The following PCNX2 variants were observed in gnomAD, a reference collection of about 807,000 sequenced individuals.
PCNX2 encodes pecanex-like protein 2.
In PCNX2, 168 loss-of-function variants were observed where a neutral mutation model predicts 223.8. The observed-to-expected ratio is 0.75, with a 90% CI of 0.66 to 0.85. PCNX2 has a LOEUF of 0.85. PCNX2 is among the 40% of genes least tolerant of loss of function. The pLI is 0.00. For missense variants in PCNX2, 2,507 were observed against 2,675.5 expected (o/e 0.94, Z 1.39); for synonymous variants, 1,006 against 1,052.6 (o/e 0.96, Z 0.86).
At chr1:233,025,956 A>C (rs1671066049) in intron 25 of PCNX2, among the ~76,000 whole-genome samples, 1 of 152,248 alleles carries the variant, frequency 6.6e-6, no homozygotes, top group Admixed American at 6.5e-5. Flanking sequence ...ATAAATAAAC[A>C]AACTGATGAG....
At chr1:233,266,995 A>G (rs1660369607) in intron 1 of PCNX2, among the ~76,000 whole-genome samples, 1 of 144,442 alleles carries the variant, frequency 6.9e-6, no homozygotes, top group Admixed American at 6.9e-5. Flanking sequence ...CCTCACAGTC[A>G]CTACTCTGTT....
intron 15 of PCNX2, among the ~76,000 whole-genome samples, chr1:233,195,481 C>G (rs1023938883): frequency 2.0e-5 from 3 of 152,098 alleles, no homozygotes; most frequent in African/African-American, 7.2e-5. Flanking sequence ...AAAAAGAAAT[C>G]AAAGGCATAC....
chr1:233,012,128 T>C (rs1670489621), intron 28 of PCNX2, among the ~76,000 whole-genome samples: 1 of 152,210 alleles, frequency 6.6e-6, no homozygotes, highest in Non-Finnish European at 1.5e-5. Context: ...TTGATGACTG[T>C]TGTTTTTGTG....
intron 21 of PCNX2, among the ~76,000 whole-genome samples, chr1:233,123,308 G>A (rs112642274): frequency 0.037 from 5,594 of 152,128 alleles, 299 homozygotes; most frequent in African/African-American, 0.13. Context: ...CTGGCCGGGC[G>A]CGGTGGCTCA....
At chr1:233,193,753 A>G (rs1297505146) in intron 15 of PCNX2, among the ~76,000 whole-genome samples, 1 of 152,208 alleles carries the variant, frequency 6.6e-6, no homozygotes, top group Admixed American at 6.5e-5. Flanking sequence ...CTATCTACAG[A>G]CATCAAATAG....
At chr1:233,160,246 C>CCT in intron 19 of PCNX2, 37 bp downstream of exon 19, 2 of 1,444,952 alleles carry the variant, frequency 1.4e-6, no homozygotes, top group Non-Finnish European at 1.9e-6. Context: ...CCTACCCCTC[C>CCT]TTTTTTTTTT....
intron 21 of PCNX2, among the ~76,000 whole-genome samples, chr1:233,125,447 T>C (rs942015941): frequency 6.6e-6 from 1 of 152,198 alleles, no homozygotes; most frequent in Non-Finnish European, 1.5e-5. Context: ...TCTATGCTTC[T>C]AAAACACTCA....
At chr1:233,180,078 C>G (rs190408016) in intron 15 of PCNX2, among the ~76,000 whole-genome samples, 1 of 152,242 alleles carries the variant, frequency 6.6e-6, no homozygotes, top group East Asian at 1.9e-4. Context: ...GCATAGAGCA[C>G]CCTTTCTGCA....
chr1:233,261,430 G>C, intron 3 of PCNX2, 109 bp from the exon 4 acceptor site: 1 of 977,942 alleles, frequency 1.0e-6, no homozygotes, highest in Non-Finnish European at 1.6e-6. Flanking sequence ...TGGCATGTAG[G>C]GGAGAGACAA....
At chr1:233,172,231 T>A (rs530487464) in intron 17 of PCNX2, among the ~76,000 whole-genome samples, 43 of 152,306 alleles carry the variant, frequency 2.8e-4, no homozygotes, top group African/African-American at 9.1e-4. Flanking sequence ...TAGGTTAAAA[T>A]TTTTTTATAG....
chr1:233,269,739 C>T (rs193288479), intron 1 of PCNX2, among the ~76,000 whole-genome samples: 47 of 152,272 alleles, frequency 3.1e-4, no homozygotes, highest in Non-Finnish European at 5.7e-4. Context: ...ACATAACACT[C>T]ACACTCAAGT....
At chr1:233,127,284 T>C (rs1252781817) in intron 21 of PCNX2, among the ~76,000 whole-genome samples, 1 of 152,134 alleles carries the variant, frequency 6.6e-6, no homozygotes, top group Non-Finnish European at 1.5e-5. Flanking sequence ...TTCCCAACCA[T>C]CCACTCCCCT....
chr1:233,156,473 T>A (rs74868189), intron 19 of PCNX2, among the ~76,000 whole-genome samples: 1 of 152,106 alleles, frequency 6.6e-6, no homozygotes, highest in East Asian at 1.9e-4. Context: ...CCGTGAGCAC[T>A]GGAGGAGGAG....
chr1:233,187,170 C>T (rs774523882), intron 15 of PCNX2, among the ~76,000 whole-genome samples: 7 of 152,204 alleles, frequency 4.6e-5, no homozygotes, highest in Non-Finnish European at 7.3e-5. Context: ...ACATTCACGA[C>T]CACACGTAGT....
At chr1:233,321,487 G>A in the PCNX2 span, among the ~76,000 whole-genome samples, 10 of 151,960 alleles carry the variant, frequency 6.6e-5, no homozygotes, top group African/African-American at 2.4e-4. Flanking sequence ...TAGTAGAGAT[G>A]GGGTTTCACC....
intron 17 of PCNX2, among the ~76,000 whole-genome samples, chr1:233,173,222 A>C (rs1679265190): frequency 6.6e-6 from 1 of 151,252 alleles, no homozygotes; most frequent in South Asian, 2.1e-4. Flanking sequence ...CCCAGGCTGG[A>C]ATGCAGTGGC....
chr1:233,002,051 A>G (rs149116580), intron 28 of PCNX2, among the ~76,000 whole-genome samples: 1,854 of 152,324 alleles, frequency 0.012, 15 homozygotes, highest in Middle Eastern at 0.041. Flanking sequence ...CCAGCTCCCC[A>G]GAGACGATGA....
chr1:233,019,316 G>C (rs1572017308), intron 26 of PCNX2: 1 of 543,504 alleles, frequency 1.8e-6, no homozygotes, highest in East Asian at 1.5e-4. Flanking sequence ...GAAATCTGCA[G>C]ACAATAACTA....
intron 19 of PCNX2, among the ~76,000 whole-genome samples, chr1:233,158,193 G>C (rs886786166): frequency 6.6e-6 from 1 of 152,124 alleles, no homozygotes; most frequent in African/African-American, 2.4e-5. Context: ...ACCAGAAACC[G>C]AGTTGTTAAT....
Sources: gnomAD v4.1 joint callset for allele counts (sites outside exome capture counted in the v4.1 genomes callset) on GRCh38, gnomAD v4.1.1 for gene constraint, MANE v1.5 for transcripts, NCBI Gene and HGNC (gene_info 2026-07-23, HGNC 2026-07-21) for gene names.